CARMIL1: variants seen among roughly 807,000 people sequenced by gnomAD.
CARMIL1 encodes the protein F-actin-uncapping protein LRRC16A.
Under a neutral mutation model 177.1 loss-of-function variants are expected in CARMIL1, and 90 were observed. The ratio of observed to expected loss-of-function variants is 0.51; its 90% confidence interval spans 0.43 to 0.61. The LOEUF (loss-of-function observed/expected upper bound fraction) is 0.61. Ranked by LOEUF, CARMIL1 falls within the 20% of genes least tolerant of loss-of-function variation. The probability of loss-of-function intolerance (pLI) is 0.00; values close to 1 mark genes in which losing one functional copy is unlikely to be tolerated. For missense variants in CARMIL1, 1,380 were observed against 1,667.0 expected (o/e 0.83, Z 3.00); for synonymous variants, 577 against 606.2 (o/e 0.95, Z 0.71).
chr6:25,461,795 C>G (rs1238956109), intron 8 of CARMIL1, among the ~76,000 whole-genome samples: 3 of 152,126 alleles, frequency 2.0e-5, no homozygotes, highest in African/African-American at 7.2e-5. Context: ...CTCATTGGCT[C>G]CATTTGAGAG....
At chr6:25,580,390 T>C (rs1392194034) in intron 29 of CARMIL1, among the ~76,000 whole-genome samples, 1 of 152,208 alleles carries the variant, frequency 6.6e-6, no homozygotes, top group East Asian at 1.9e-4. Flanking sequence ...GACATTTCAC[T>C]GAGAAGTGCC....
intron 17 of CARMIL1, among the ~76,000 whole-genome samples, chr6:25,501,524 C>T (rs1280293012): frequency 4.6e-5 from 7 of 152,174 alleles, no homozygotes; most frequent in Admixed American, 1.3e-4. Flanking sequence ...GTATCTGGTA[C>T]GCAGAAAAGT....
chr6:25,565,785 C>T (rs968913987), intron 29 of CARMIL1, among the ~76,000 whole-genome samples: 6 of 152,146 alleles, frequency 3.9e-5, no homozygotes, highest in Non-Finnish European at 8.8e-5. Context: ...TTGGAGGTTG[C>T]AGTGAGCCGA....
intron 2 of CARMIL1, among the ~76,000 whole-genome samples, chr6:25,390,293 C>CATATATATATATAT (rs397887367): frequency 3.5e-5 from 3 of 84,896 alleles, no homozygotes; most frequent in Non-Finnish European, 6.9e-5. Flanking sequence ...TATATATTTA[C>CATATATATATATAT]ATATATATAT....
chr6:25,420,125 A>C lies in CARMIL1; in HGVS notation c.150A>C (p.Ser50=), dbSNP rs773554220. ...CTTCTGTCTTACAGGTCCTTACATC[A>C]TGCCGAGCCTTCCTTGTAACAGCGC... is the stretch of plus-strand genomic sequence containing the variant. The part of the protein sequence containing the change: ...KVENKVLVLT[S]CRAFLVTARI... The change falls in exon 3 of 37, where the codon TCA becomes TCC. Residue 50 remains serine, a synonymous_variant. Coordinates refer to ENST00000329474, the MANE Select transcript of CARMIL1 (RefSeq NM_017640.6). The C allele has an allele frequency of 1.2e-6, 2 of 1,613,502 alleles. No homozygotes were observed. Among genetic ancestry groups the C allele is most frequent in the Non-Finnish European group, 1.7e-6 (2 of 1,179,480 alleles).
intron 4 of CARMIL1, among the ~76,000 whole-genome samples, chr6:25,432,260 C>T (rs1337812569): frequency 1.3e-5 from 2 of 152,092 alleles, no homozygotes; most frequent in African/African-American, 2.4e-5. Flanking sequence ...GAATATCTAC[C>T]AGTGGCACTC....
intron 22 of CARMIL1, 121 bp downstream of exon 22, chr6:25,517,536 T>C: frequency 1.4e-6 from 1 of 711,084 alleles, no homozygotes; most frequent in South Asian, 1.8e-5. Context: ...TGGGTCTGAA[T>C]TTAGTCTACA....
chr6:25,531,449 T>C (rs954724238), intron 24 of CARMIL1, among the ~76,000 whole-genome samples: 40 of 152,218 alleles, frequency 2.6e-4, no homozygotes, highest in African/African-American at 9.2e-4. Context: ...ACAATATTAA[T>C]GATGGTTATT....
At position 25,600,750 on chromosome 6, in the gene CARMIL1, A is replaced by AGG. The variant is rs1205926700; in HGVS notation, c.3552+6_3552+7dup. The AGG allele has an allele frequency of 6.7e-7, 1 of 1,488,506 alleles. No homozygotes were observed. The highest frequency in any genetic ancestry group is 8.9e-7 in the Non-Finnish European group (1 of 1,120,242). The allele number at this position is 1,488,506 out of a possible 1,614,324, so 92.2% of individuals were successfully genotyped here. A position where few individuals can be genotyped will look rare whatever the true frequency, so the allele number is the denominator to read the frequency against. On this transcript the variant is annotated splice_donor_region_variant and intron_variant, in intron 33 of 36. Coordinates refer to ENST00000329474, the MANE Select transcript of CARMIL1 (RefSeq NM_017640.6). ...GAGAGCTGCGTGTGCGCAGAAGGTA[A>AGG]GGGTGGACCTATTTTTAATTCATTC...
chr6:25,596,815 A>T (rs9379774), intron 32 of CARMIL1, among the ~76,000 whole-genome samples: 22,703 of 151,538 alleles, frequency 0.15, 1,817 homozygotes, highest in Middle Eastern at 0.21. Flanking sequence ...TGGATTGCAG[A>T]TACTCAACCT....
chr6:25,406,205 G>A, intron 2 of CARMIL1, among the ~76,000 whole-genome samples: 1 of 152,216 alleles, frequency 6.6e-6, no homozygotes, highest in Non-Finnish European at 1.5e-5. Flanking sequence ...GAGACCTGGT[G>A]TAGTCTGGAC....
Position 25,294,128 on chromosome 6 carries a change from A to C in CARMIL1, c.138+9219A>C, listed in dbSNP as rs926124298. ...ATGCACAGGACGTCCTCTTAGAGGT[A>C]GGAAGCAGGCATGTACACATGTCCT... On this transcript the variant is annotated intron_variant, in intron 2 of 36. Transcript: ENST00000329474. Among the ~76,000 whole-genome samples, 4 of 152,330 alleles carry C rather than the reference A, an allele frequency of 2.6e-5. No individual in the cohort carries two copies. The South Asian group carries it at 8.3e-4, about 32-fold the overall frequency.
chr6:25,451,995 T>TCCCCCCCCC lies in CARMIL1; in HGVS notation c.614+1285_614+1293dup. 1.1e-4 allele frequency: 16 copies of TCCCCCCCCC among 144,266 alleles called. 1 individual carries two copies. The highest frequency in any genetic ancestry group is 2.8e-3 in the Middle Eastern group (1 of 352). The allele number at this position is 144,266 out of a possible 1,614,324, so 8.9% of individuals were successfully genotyped here. ...TCATCACTAGCATCTTGCCCCCCCC[T>TCCCCCCCCC]CCCCCCCCCAGAATACTGTTTTGAA... is the stretch of plus-strand genomic sequence containing the variant. On this transcript the variant is annotated intron_variant, in intron 8 of 36. Transcript: ENST00000329474.
chr6:25,294,595 GC>G (rs1782249950), intron 2 of CARMIL1, among the ~76,000 whole-genome samples: 1 of 152,120 alleles, frequency 6.6e-6, no homozygotes, highest in Admixed American at 6.6e-5. Flanking sequence ...ATTTCTTCTT[GC>G]ATAGTCTACT....
At position 25,558,414 on chromosome 6, in the gene CARMIL1, CTTTG is replaced by C. The variant is rs961070517; in HGVS notation, c.2742+1569_2742+1572del. Among the ~76,000 whole-genome samples, 9 of 152,018 alleles carry C rather than the reference CTTTG, an allele frequency of 5.9e-5. No homozygotes were observed. Among genetic ancestry groups the C allele is most frequent in the South Asian group, 4.1e-4 (2 of 4,826 alleles). ...TAACGTTGGTTTTAAACTGTGTAAA[CTTTG>C]TTTGGAAGTAAGTTTTTTTGTTTGT... On this transcript the variant is annotated intron_variant, in intron 29 of 36. Transcript: ENST00000329474. This position sits in a 1 kb window ranked among gnomAD's most constrained non-coding sequence, Gnocchi z 4.1.
chr6:25,398,766 A>G (rs1793643613), intron 2 of CARMIL1, among the ~76,000 whole-genome samples: 1 of 152,164 alleles, frequency 6.6e-6, no homozygotes, highest in African/African-American at 2.4e-5. Flanking sequence ...GTAACCAAGG[A>G]TATGAGCCCC....
intron 2 of CARMIL1, among the ~76,000 whole-genome samples, chr6:25,369,727 T>G (rs1790218724): frequency 6.6e-6 from 1 of 152,166 alleles, no homozygotes; most frequent in Admixed American, 6.5e-5. Context: ...GTGCCCACAT[T>G]TGCCTCTGGA....
At position 25,528,775 on chromosome 6, in the gene CARMIL1, T is replaced by A; in HGVS notation, c.1969-20T>A. The A allele has an allele frequency of 6.6e-7, 1 of 1,515,282 alleles. No homozygotes were observed. The highest frequency in any genetic ancestry group is 9.1e-7 in the Non-Finnish European group (1 of 1,101,846). 93.9% of individuals were successfully genotyped at this position (1,515,282 alleles called of 1,614,324 possible). On this transcript the variant is annotated intron_variant, in intron 23 of 36. Coordinates refer to ENST00000329474, the MANE Select transcript of CARMIL1 (RefSeq NM_017640.6). ...TGGGTTGAAATGTATTCTTGAGGGA[T>A]GCCTGTGCTTTATTTCCAGATAGAA...
At chr6:25,369,659 C>A (rs931824034) in intron 2 of CARMIL1, among the ~76,000 whole-genome samples, 19 of 152,148 alleles carry the variant, frequency 1.2e-4, no homozygotes, top group African/African-American at 4.6e-4. Context: ...ACAGTAGCCT[C>A]TTTCACCAGA....
Sources: allele counts gnomAD v4.1 joint callset (sites outside exome capture counted in the v4.1 genomes callset), GRCh38; gene constraint gnomAD v4.1.1; non-coding constraint Gnocchi (gnomAD v3.1); transcripts MANE v1.5; gene names NCBI Gene and HGNC (gene_info 2026-07-23, HGNC 2026-07-21).